Variants in UNC13C observed in about 807,000 individuals in gnomAD.
UNC13C encodes the protein protein unc-13 homolog C.
Under a neutral mutation model 245.4 loss-of-function variants are expected in UNC13C, and 174 were observed. That is an observed-to-expected ratio of 0.71 (90% CI 0.63 to 0.80). UNC13C has a LOEUF of 0.80. Ranked by LOEUF, UNC13C falls within the 30% of genes least tolerant of loss-of-function variation. UNC13C has a pLI of 0.00. For missense variants in UNC13C, 2,829 were observed against 2,602.9 expected, an observed-to-expected ratio of 1.09 and a Z score of -1.89; for synonymous variants, 992 against 895.1, an observed-to-expected ratio of 1.11 and a Z score of -1.93.
the UNC13C span, among the ~76,000 whole-genome samples, chr15:53,840,850 A>G: frequency 1.3e-5 from 2 of 152,318 alleles, no homozygotes; most frequent in South Asian, 4.1e-4. Context: ...CCATGGCCTC[A>G]TACTGCTCTG....
chr15:54,133,520 A>G (rs989917307), intron 2 of UNC13C, among the ~76,000 whole-genome samples: 1 of 152,176 alleles, frequency 6.6e-6, no homozygotes, highest in African/African-American at 2.4e-5. Flanking sequence ...GGGAAGTTTC[A>G]CTATAAAGTA....
intron 4 of UNC13C, among the ~76,000 whole-genome samples, chr15:54,220,112 C>T (rs1055384427): frequency 2.7e-4 from 40 of 150,004 alleles, no homozygotes; most frequent in South Asian, 4.3e-4. Context: ...ACCCAAAGGA[C>T]TATAAATCAT....
upstream of UNC13C, chr15:53,976,979 GGTTTTCCTGTGCTACTCT>G (rs1893729093): frequency 6.6e-6 from 1 of 152,166 alleles, no homozygotes; most frequent in Non-Finnish European, 1.5e-5. Context: ...AGGTCTAACC[GGTTTTCCTGTGCTACTCT>G]CCAGTGTTAC....
chr15:53,981,120 A>C (rs1029703822), intron 1 of UNC13C, among the ~76,000 whole-genome samples: 3 of 152,172 alleles, frequency 2.0e-5, no homozygotes, highest in Non-Finnish European at 4.4e-5. Context: ...TGGTATGATA[A>C]TATCTTTTCC....
the UNC13C span, among the ~76,000 whole-genome samples, chr15:53,917,516 T>A: frequency 1.5e-4 from 23 of 152,214 alleles, no homozygotes; most frequent in African/African-American, 3.9e-4. Context: ...GAACACAGGC[T>A]TGATACTGGT....
chr15:54,585,222 C>T (rs982978209), intron 30 of UNC13C, among the ~76,000 whole-genome samples: 1 of 152,138 alleles, frequency 6.6e-6, no homozygotes, highest in Non-Finnish European at 1.5e-5. Flanking sequence ...GGTCACGGGG[C>T]AGATCCTTCA....
chr15:54,298,515 G>A (rs556634396), intron 12 of UNC13C, among the ~76,000 whole-genome samples: 2 of 152,278 alleles, frequency 1.3e-5, no homozygotes, highest in Admixed American at 6.5e-5. Context: ...AGTCCTCCGT[G>A]TTAACCTCTC....
intron 26 of UNC13C, among the ~76,000 whole-genome samples, chr15:54,536,472 A>G (rs1292462098): frequency 6.6e-6 from 1 of 151,702 alleles, no homozygotes; most frequent in African/African-American, 2.4e-5. Context: ...CTACTCCACA[A>G]CTCATTCAAT....
At chr15:54,564,212 T>C (rs1897411155) in intron 29 of UNC13C, among the ~76,000 whole-genome samples, 1 of 152,078 alleles carries the variant, frequency 6.6e-6, no homozygotes. Context: ...TTTCATATTG[T>C]AAAATGCACT....
At chr15:54,038,877 A>C (rs971999922) in intron 2 of UNC13C, among the ~76,000 whole-genome samples, 1 of 152,208 alleles carries the variant, frequency 6.6e-6, no homozygotes, top group African/African-American at 2.4e-5. Context: ...TCATGAACTT[A>C]ACACAGTTAC....
At chr15:54,480,299 A>C (rs1893032503) in intron 19 of UNC13C, among the ~76,000 whole-genome samples, 1 of 151,502 alleles carries the variant, frequency 6.6e-6, no homozygotes, top group Non-Finnish European at 1.5e-5. Flanking sequence ...AATAATATAA[A>C]ATGGTTTTCT....
chr15:54,355,066 G>T (rs2039064445), intron 17 of UNC13C, among the ~76,000 whole-genome samples: 1 of 152,062 alleles, frequency 6.6e-6, no homozygotes, highest in Admixed American at 6.6e-5. Flanking sequence ...GTGATGCCCT[G>T]TGCCCCCTCC....
the UNC13C span, chr15:53,914,446 G>C: frequency 6.6e-6 from 1 of 152,266 alleles, no homozygotes; most frequent in Non-Finnish European, 1.5e-5. Flanking sequence ...GCGTGCTGGC[G>C]TCCACAGAAA....
rs1216653700 is a variant in UNC13C at position 54,162,494 on chromosome 15, T to C, written c.3071+18810T>C. On this transcript the variant is annotated intron_variant, in intron 4 of 32. Transcript: ENST00000260323. The stretch of plus-strand genomic sequence containing the variant: ...CCTGGTAAGGAAATTTCAAAATCTC[T>C]CTCCCCATCAAATACAGTCTGATAT... 3.3e-5 allele frequency among the ~76,000 whole-genome samples: 5 copies of C among 152,274 alleles called. No homozygotes were observed. In the East Asian group the frequency reaches 9.7e-4, roughly 29 times the overall value.
chr15:54,546,614 G>T lies in UNC13C; in HGVS notation c.5697-108G>T, dbSNP rs535458260. 6.9e-6 allele frequency: 4 copies of T among 576,790 alleles called. No individual in the cohort carries two copies. In the African/African-American group the frequency reaches 8.1e-5, roughly 12 times the overall value. 35.7% of individuals were successfully genotyped at this position (576,790 alleles called of 1,614,324 possible). On this transcript the variant is annotated intron_variant, in intron 26 of 32. Coordinates refer to ENST00000260323, the MANE Select transcript of UNC13C (RefSeq NM_001080534.3). ...ATAGTTTTTTGAGATTATACATTTTGTATAATAATTTAGTAAATGGAATTT... is the reference window on the plus strand; with the variant it reads ...ATAGTTTTTTGAGATTATACATTTTTTATAATAATTTAGTAAATGGAATTT...
chr15:54,185,605 G>C (rs985876607), intron 4 of UNC13C, among the ~76,000 whole-genome samples: 27 of 148,052 alleles, frequency 1.8e-4, no homozygotes, highest in Non-Finnish European at 3.4e-4. Flanking sequence ...ATTTCTGAGG[G>C]CTCTGTTCTG....
chr15:54,574,497 G>A (rs1596596974), intron 30 of UNC13C, among the ~76,000 whole-genome samples: 1 of 152,074 alleles, frequency 6.6e-6, no homozygotes, highest in African/African-American at 2.4e-5. Context: ...AATAAAACTT[G>A]AACATATTAA....
At chr15:54,494,324 T>A (rs1893855538) in intron 19 of UNC13C, among the ~76,000 whole-genome samples, 2 of 152,172 alleles carry the variant, frequency 1.3e-5, no homozygotes, top group South Asian at 4.1e-4. Context: ...GAAATTTTAG[T>A]ATGTTATTAC....
intron 24 of UNC13C, among the ~76,000 whole-genome samples, chr15:54,516,771 G>C (rs896638087): frequency 7.7e-6 from 1 of 129,286 alleles, no homozygotes; most frequent in African/African-American, 3.1e-5. Context: ...CGGCACTCCA[G>C]CCTGGAAAAC....
Sources: gnomAD v4.1 joint callset for allele counts (sites outside exome capture counted in the v4.1 genomes callset) on GRCh38, gnomAD v4.1.1 for gene constraint, MANE v1.5 for transcripts, NCBI Gene and HGNC (gene_info 2026-07-23, HGNC 2026-07-21) for gene names.